Variants in PCDHGA5 observed in about 807,000 individuals in gnomAD.
PCDHGA5 encodes protocadherin gamma-A5.
A neutral mutation model predicts 56.7 loss-of-function variants in PCDHGA5; 36 were observed. The observed-to-expected ratio is 0.64, with a 90% CI of 0.49 to 0.84. PCDHGA5 has a LOEUF of 0.84. Ranked by LOEUF, PCDHGA5 falls within the 40% of genes least tolerant of loss-of-function variation. PCDHGA5 has a pLI of 0.00. For missense variants in PCDHGA5, 1,305 were observed against 1,201.5 expected (o/e 1.09, Z -1.27); for synonymous variants, 563 against 520.2 (o/e 1.08, Z -1.12).
chr5:141,389,837 A>C, intron 1 of PCDHGA5: 2 of 1,613,842 alleles, frequency 1.2e-6, no homozygotes, highest in South Asian at 2.2e-5. Context: ...GACAGCCACC[A>C]CTCTCGGCCA....
chr5:141,398,336 C>T lies in PCDHGA5; in HGVS notation c.2421+31585C>T, dbSNP rs2093641789. The T allele has an allele frequency of 7.3e-6, 10 of 1,363,224 alleles. No individual in the cohort carries two copies. In the East Asian group the frequency reaches 1.7e-4, roughly 24 times the overall value. 84.4% of individuals were successfully genotyped at this position (1,363,224 alleles called of 1,614,324 possible). On this transcript the variant is annotated intron_variant, in intron 1 of 3. Coordinates refer to ENST00000518069, the MANE Select transcript of PCDHGA5 (RefSeq NM_018918.3). ...CCGACTCGAAAACTGCGCGTCAGTT[C>T]GGAGAAGCCTTACTTCACCGTGAGC...
chr5:141,385,620 T>G (rs2090301137), intron 1 of PCDHGA5: 1 of 1,063,712 alleles, frequency 9.4e-7, no homozygotes, highest in Middle Eastern at 3.9e-4. Flanking sequence ...TTTTATACAT[T>G]GGAATGAATC....
chr5:141,415,227 T>A, intron 1 of PCDHGA5: 2 of 1,614,126 alleles, frequency 1.2e-6, no homozygotes, highest in African/African-American at 2.7e-5. Context: ...GCTTCGAGTC[T>A]CCAGCTAACT....
chr5:141,374,494 A>G (rs1307461844), intron 1 of PCDHGA5: 12 of 1,611,426 alleles, frequency 7.4e-6, no homozygotes, highest in Non-Finnish European at 9.3e-6. Context: ...TAAAGGAAGA[A>G]TTGGAAGTGA....
intron 1 of PCDHGA5, chr5:141,422,827 A>T: frequency 6.2e-7 from 1 of 1,614,208 alleles, no homozygotes; most frequent in Non-Finnish European, 8.5e-7. Context: ...ACTGAGAGTG[A>T]TAGCACGTGA....
chr5:141,436,337 A>G (rs1450981655), intron 1 of PCDHGA5, among the ~76,000 whole-genome samples: 1 of 152,178 alleles, frequency 6.6e-6, no homozygotes, highest in Non-Finnish European at 1.5e-5. Flanking sequence ...CATATCTCAA[A>G]TATCAGTGAC....
chr5:141,488,312 A>G lies in PCDHGA5; in HGVS notation c.2422-6495A>G, dbSNP rs952247975. 7.9e-5 allele frequency among the ~76,000 whole-genome samples: 12 copies of G among 152,286 alleles called. 1 individual carries two copies. Among genetic ancestry groups the G allele is most frequent in the African/African-American group, 2.9e-4 (12 of 41,558 alleles). On this transcript the variant is annotated intron_variant, in intron 1 of 3. Coordinates refer to ENST00000518069, the MANE Select transcript of PCDHGA5 (RefSeq NM_018918.3). ...AGTAAGTGAAATCACTTATGTCAGA[A>G]AACTGGTTTACAGTTGGCTGATTCA...
chr5:141,385,593 C>T lies in PCDHGA5; in HGVS notation c.2421+18842C>T. On this transcript the variant is annotated intron_variant, in intron 1 of 3. Transcript: ENST00000518069. ...ACTTTCCAATCTATGTTCCAACCTA[C>T]TTTCTTAACTCATATATTTTATACA... is the stretch of plus-strand genomic sequence containing the variant. The T allele has an allele frequency of 2.4e-6, 3 of 1,235,054 alleles. No individual in the cohort carries two copies. The South Asian group carries it at 7.5e-5, about 31-fold the overall frequency. The allele number at this position is 1,235,054 out of a possible 1,614,324, so 76.5% of individuals were successfully genotyped here. A position where few individuals can be genotyped will look rare whatever the true frequency, so the allele number is the denominator to read the frequency against.
chr5:141,480,429 T>C (rs72790066), intron 1 of PCDHGA5, among the ~76,000 whole-genome samples: 4 of 151,864 alleles, frequency 2.6e-5, no homozygotes, highest in African/African-American at 9.7e-5. Flanking sequence ...AAAAAAATTA[T>C]CAGCTATTAC....
chr5:141,430,383 G>GAAA (rs139772145), intron 1 of PCDHGA5, among the ~76,000 whole-genome samples: 2 of 138,566 alleles, frequency 1.4e-5, no homozygotes, highest in South Asian at 4.6e-4. Flanking sequence ...AGCTCATTGG[G>GAAA]AAAAAAAAAA....
chr5:141,380,816 A>T (rs546532723), intron 1 of PCDHGA5, among the ~76,000 whole-genome samples: 1 of 152,256 alleles, frequency 6.6e-6, no homozygotes, highest in Non-Finnish European at 1.5e-5. Flanking sequence ...AGATGAAACT[A>T]TGAATTTTGA....
Position 141,384,308 on chromosome 5 carries a change from C to G in PCDHGA5, c.2421+17557C>G, listed in dbSNP as rs974367218. On this transcript the variant is annotated intron_variant, in intron 1 of 3. Transcript: ENST00000518069. ...GCTGAGAACAACCCCAGAGGGGCCT[C>G]CATTTTCTTAGTGACTGCACAGGAC... The G allele has an allele frequency of 1.5e-5, 25 of 1,613,736 alleles. No homozygotes were observed. The highest frequency in any genetic ancestry group is 2.1e-5 in the Non-Finnish European group (25 of 1,179,896).
At chr5:141,376,572 A>C (rs776986338) in intron 1 of PCDHGA5, 1 of 1,600,622 alleles carries the variant, frequency 6.2e-7, no homozygotes, top group South Asian at 1.1e-5. Context: ...CTAATCAGAC[A>C]GGCTCATCAG....
chr5:141,443,392 T>C (rs151260637), intron 1 of PCDHGA5, among the ~76,000 whole-genome samples: 1,653 of 151,736 alleles, frequency 0.011, 7 homozygotes, highest in Middle Eastern at 0.038. Flanking sequence ...GGCTGAGGTG[T>C]GAGGATCACC....
Position 141,364,720 on chromosome 5 carries a change from CCCG to C in PCDHGA5, c.392_394del (p.Pro131del). The C allele has an allele frequency of 1.9e-6, 3 of 1,613,946 alleles. No individual in the cohort carries two copies. The highest frequency in any genetic ancestry group is 2.5e-6 in the Non-Finnish European group (3 of 1,179,870). On this transcript the variant is annotated inframe_deletion, in exon 1 of 4. Coordinates refer to ENST00000518069, the MANE Select transcript of PCDHGA5 (RefSeq NM_018918.3). ...AAATAATCGATATTAATGATAACTTCCCGCGTTTCCGGGATGAAGAGTTAAAAG... is the reference window on the plus strand; with the variant it reads ...AAATAATCGATATTAATGATAACTTCCGTTTCCGGGATGAAGAGTTAAAAG...
chr5:141,438,811 G>T (rs2098067148), intron 1 of PCDHGA5, among the ~76,000 whole-genome samples: 1 of 149,790 alleles, frequency 6.7e-6, no homozygotes, highest in East Asian at 2.0e-4. Context: ...ACAGGCGCCT[G>T]TCACCATGCC....
chr5:141,424,018 CACAA>C (rs909442976), intron 1 of PCDHGA5: 3 of 1,051,682 alleles, frequency 2.9e-6, no homozygotes, highest in South Asian at 4.6e-5. Context: ...ATTAATGATT[CACAA>C]ACACTTTTTA....
chr5:141,432,859 C>A lies in PCDHGA5; in HGVS notation c.2422-61948C>A. The A allele has an allele frequency of 1.2e-6, 2 of 1,614,190 alleles. No homozygotes were observed. Among genetic ancestry groups the A allele is most frequent in the Non-Finnish European group, 1.7e-6 (2 of 1,180,020 alleles). The stretch of plus-strand genomic sequence containing the variant: ...ACCTGGTGGTAGCGGTGGCCGCGGT[C>A]TCCTGCGTCTTCCTGGCCTTCGTCA... On this transcript the variant is annotated intron_variant, in intron 1 of 3. Transcript: ENST00000518069. This position sits in a 1 kb window ranked among gnomAD's most constrained non-coding sequence, Gnocchi z 6.0.
intron 1 of PCDHGA5, chr5:141,419,779 GCGCCTGCTAGT>G: frequency 6.2e-7 from 1 of 1,614,064 alleles, no homozygotes; most frequent in Non-Finnish European, 8.5e-7. Flanking sequence ...CGGTCCGCCA[GCGCCTGCTAGT>G]CGCTGTAAGA....
Sources: gnomAD v4.1 joint callset for allele counts (sites outside exome capture counted in the v4.1 genomes callset) on GRCh38, gnomAD v4.1.1 for gene constraint, Gnocchi (gnomAD v3.1) non-coding constraint, MANE v1.5 for transcripts, NCBI Gene and HGNC (gene_info 2026-07-23, HGNC 2026-07-21) for gene names.